The following SGCZ variants were observed in gnomAD, a reference collection of about 807,000 sequenced individuals.
SGCZ encodes zeta-sarcoglycan.
Under a neutral mutation model 41.3 loss-of-function variants are expected in SGCZ, and 40 were observed. The ratio of observed to expected loss-of-function variants is 0.97; its 90% confidence interval spans 0.75 to 1.26. The LOEUF (loss-of-function observed/expected upper bound fraction) is 1.26. SGCZ is among the 50% of genes most tolerant of loss of function. The pLI is 0.00. For synonymous variants in SGCZ, 206 were observed against 137.5 expected (o/e 1.50, Z -3.49); for missense variants, 552 against 369.8 (o/e 1.49, Z -4.04).
intron 2 of SGCZ, among the ~76,000 whole-genome samples, chr8:14,407,274 G>T (rs934163046): frequency 6.6e-6 from 1 of 151,802 alleles, no homozygotes; most frequent in Admixed American, 6.6e-5. Flanking sequence ...TCACCATGCT[G>T]GCCAGGCTGG....
At chr8:14,123,582 C>G (rs903902469) in intron 5 of SGCZ, among the ~76,000 whole-genome samples, 2 of 152,158 alleles carry the variant, frequency 1.3e-5, no homozygotes, top group African/African-American at 4.8e-5. Context: ...ACTCCATCTT[C>G]TGAATGAGTT....
chr8:14,778,723 G>A (rs570233356), intron 1 of SGCZ, among the ~76,000 whole-genome samples: 2 of 152,278 alleles, frequency 1.3e-5, no homozygotes, highest in African/African-American at 4.8e-5. Context: ...CATTGAGAGA[G>A]ATGTTTTATT....
At chr8:14,926,876 T>C (rs1799770859) in intron 1 of SGCZ, among the ~76,000 whole-genome samples, 1 of 152,064 alleles carries the variant, frequency 6.6e-6, no homozygotes, top group African/African-American at 2.4e-5. Context: ...CCTGACCTCG[T>C]GATCCACCAG....
intron 1 of SGCZ, among the ~76,000 whole-genome samples, chr8:14,950,249 C>T (rs1299704797): frequency 6.6e-6 from 1 of 152,000 alleles, no homozygotes; most frequent in South Asian, 2.1e-4. Flanking sequence ...TTACGGGAAA[C>T]AATAAGTAGG....
chr8:14,758,130 AATG>A (rs1799747925), intron 1 of SGCZ, among the ~76,000 whole-genome samples: 4 of 152,328 alleles, frequency 2.6e-5, no homozygotes, highest in South Asian at 4.1e-4. Flanking sequence ...GATAAAGTAC[AATG>A]ATATTTCTCT....
chr8:14,623,056 C>T (rs766074834), intron 1 of SGCZ, among the ~76,000 whole-genome samples: 3 of 152,078 alleles, frequency 2.0e-5, no homozygotes, highest in African/African-American at 7.2e-5. Flanking sequence ...CAGGAACATA[C>T]CAAAACAAGC....
chr8:14,145,270 G>T (rs1311472240), intron 5 of SGCZ, among the ~76,000 whole-genome samples: 1 of 152,118 alleles, frequency 6.6e-6, no homozygotes, highest in Non-Finnish European at 1.5e-5. Context: ...GATAACAAGA[G>T]TCTCTGCCTG....
chr8:14,855,810 G>A (rs1803528243), intron 1 of SGCZ, among the ~76,000 whole-genome samples: 2 of 152,210 alleles, frequency 1.3e-5, no homozygotes, highest in Non-Finnish European at 2.9e-5. Flanking sequence ...GCCTAGTGAT[G>A]GTTTTTGCCA....
intron 3 of SGCZ, among the ~76,000 whole-genome samples, chr8:14,319,141 G>T (rs964932827): frequency 1.3e-5 from 2 of 151,914 alleles, no homozygotes; most frequent in African/African-American, 2.4e-5. Flanking sequence ...CTCTGAAGTA[G>T]AAGAAACCAA....
At chr8:14,234,426 A>G (rs1024292826) in intron 4 of SGCZ, among the ~76,000 whole-genome samples, 2 of 152,062 alleles carry the variant, frequency 1.3e-5, no homozygotes, top group South Asian at 4.1e-4. Context: ...ATTTTTGAGG[A>G]AAAATGGTAC....
intron 1 of SGCZ, among the ~76,000 whole-genome samples, chr8:15,102,724 T>C (rs1416311645): frequency 2.0e-5 from 3 of 152,206 alleles, no homozygotes; most frequent in Non-Finnish European, 4.4e-5. Context: ...AATGTTTATA[T>C]TGGTAAAAGG....
chr8:14,360,912 G>C (rs750646198), intron 2 of SGCZ, among the ~76,000 whole-genome samples: 3 of 152,070 alleles, frequency 2.0e-5, no homozygotes, highest in Non-Finnish European at 2.9e-5. Context: ...CACCAACAAG[G>C]GACGAGTGAT....
chr8:14,605,207 T>C (rs1428247160), intron 1 of SGCZ, among the ~76,000 whole-genome samples: 1 of 152,204 alleles, frequency 6.6e-6, no homozygotes, highest in Non-Finnish European at 1.5e-5. Context: ...AGTGACTCCA[T>C]TAAAAATTAC....
chr8:14,690,130 A>C lies in SGCZ; in HGVS notation c.40-135204T>G, dbSNP rs573810013. Among the ~76,000 whole-genome samples, 4 of 125,482 alleles carry C rather than the reference A, an allele frequency of 3.2e-5. No individual in the cohort carries two copies. The East Asian group carries it at 8.5e-4, about 27-fold the overall frequency. 82.3% of individuals were successfully genotyped at this position (125,482 alleles called of 152,430 possible). A position where few individuals can be genotyped will look rare whatever the true frequency, so the allele number is the denominator to read the frequency against. On this transcript the variant is annotated intron_variant, in intron 1 of 7. Transcript: ENST00000382080. ...TGTTGTCTCTTTTTTTTTTTTTTTT[A>C]AAGTCCATGGACTTCTAAAGAGGTT...
intron 1 of SGCZ, among the ~76,000 whole-genome samples, chr8:15,206,832 C>T (rs937061925): frequency 4.0e-5 from 6 of 151,568 alleles, no homozygotes; most frequent in East Asian, 1.9e-4. Context: ...TGGCATAATT[C>T]GAGGGGTACT....
Position 14,955,385 on chromosome 8 carries a change from C to T in SGCZ, c.39+282200G>A, listed in dbSNP as rs554636127. Among the ~76,000 whole-genome samples, 5 of 152,280 alleles carry T rather than the reference C, an allele frequency of 3.3e-5. 1 individual carries two copies. In the South Asian group the frequency reaches 6.2e-4, roughly 19 times the overall value. On this transcript the variant is annotated intron_variant, in intron 1 of 7. Coordinates refer to ENST00000382080, the MANE Select transcript of SGCZ (RefSeq NM_139167.4). ...TGGTTCTTCCCAGCTGGGGCTCAAA[C>T]GTACAATGTACTTTAAGCATTGTTG... is the stretch of plus-strand genomic sequence containing the variant.
chr8:14,418,675 T>C (rs1799561260), intron 2 of SGCZ, among the ~76,000 whole-genome samples: 1 of 151,964 alleles, frequency 6.6e-6, no homozygotes, highest in South Asian at 2.1e-4. Flanking sequence ...TTAGATACTT[T>C]TATAGAAATG....
rs892436321 is a variant in SGCZ at position 14,403,266 on chromosome 8, T to C, written c.235-79062A>G. Among the ~76,000 whole-genome samples the C allele has an allele frequency of 1.4e-4, 21 of 150,482 alleles. 1 individual carries two copies. Among genetic ancestry groups the C allele is most frequent in the African/African-American group, 3.0e-4 (12 of 39,828 alleles). ...ACAATTTGACTTCCTCTTTTCCTAA[T>C]TGAATACCCTTTATTTCCTTCTCCT... On this transcript the variant is annotated intron_variant, in intron 2 of 7. Transcript: ENST00000382080.
chr8:14,830,704 T>C (rs572285300), intron 1 of SGCZ, among the ~76,000 whole-genome samples: 2 of 152,312 alleles, frequency 1.3e-5, no homozygotes, highest in African/African-American at 4.8e-5. Flanking sequence ...TGCTGATTTA[T>C]ATGTCATTAT....
Sources: allele counts gnomAD v4.1 joint callset (sites outside exome capture counted in the v4.1 genomes callset), GRCh38; gene constraint gnomAD v4.1.1; transcripts MANE v1.5; gene names NCBI Gene and HGNC (gene_info 2026-07-23, HGNC 2026-07-21).